ADGRB3: variants seen among roughly 807,000 people sequenced by gnomAD.
ADGRB3 encodes adhesion G protein-coupled receptor B3, also known as brain-specific angiogenesis inhibitor 3.
A neutral mutation model predicts 193.4 loss-of-function variants in ADGRB3; 37 were observed. That is an observed-to-expected ratio of 0.19 (90% CI 0.15 to 0.25). ADGRB3 has a LOEUF of 0.25. Ranked by LOEUF, ADGRB3 falls within the 10% of genes least tolerant of loss-of-function variation. The pLI, the probability that ADGRB3 is intolerant of heterozygous loss-of-function variation, is 1.00. For missense variants in ADGRB3, 1,637 were observed against 1,852.9 expected (o/e 0.88, Z 2.14); for synonymous variants, 690 against 644.2 (o/e 1.07, Z -1.08).
intron 17 of ADGRB3, among the ~76,000 whole-genome samples, chr6:69,109,150 T>G (rs1306508453): frequency 6.6e-6 from 1 of 151,434 alleles, no homozygotes; most frequent in African/African-American, 2.4e-5. Context: ...TTGGATTATG[T>G]TATTTCTCTT....
chr6:68,883,618 C>T lies in ADGRB3; in HGVS notation c.758-46941C>T, dbSNP rs35844542. 5.9e-3 allele frequency among the ~76,000 whole-genome samples: 904 copies of T among 152,204 alleles called. 12 individuals are homozygous for T. Among genetic ancestry groups the T allele is most frequent in the African/African-American group, 0.019 (801 of 41,526 alleles). Reference sequence around the variant, plus strand: ...TCTGGACTGGAGGAATGAACAACTCCAGAGGCACTGCCTTAAAAGCTGTAA... The same window carrying T: ...TCTGGACTGGAGGAATGAACAACTCTAGAGGCACTGCCTTAAAAGCTGTAA... On this transcript the variant is annotated intron_variant, in intron 3 of 31. Transcript: ENST00000370598.
At chr6:68,996,933 G>C (rs943155074) in intron 11 of ADGRB3, among the ~76,000 whole-genome samples, 8 of 152,106 alleles carry the variant, frequency 5.3e-5, no homozygotes, top group Non-Finnish European at 8.8e-5. Context: ...AATCACAGAG[G>C]TATCCATGAA....
intron 3 of ADGRB3, among the ~76,000 whole-genome samples, chr6:68,832,647 A>C (rs1366038524): frequency 6.6e-6 from 1 of 152,118 alleles, no homozygotes; most frequent in Non-Finnish European, 1.5e-5. Flanking sequence ...TTGGAGTATG[A>C]TACTAGAAAG....
At chr6:68,724,255 T>C (rs1363446982) in intron 3 of ADGRB3, among the ~76,000 whole-genome samples, 2 of 151,782 alleles carry the variant, frequency 1.3e-5, no homozygotes, top group East Asian at 3.9e-4. Context: ...GAAGTCCTTT[T>C]AGCCATATTG....
chr6:68,737,678 A>G (rs1406903297), intron 3 of ADGRB3, among the ~76,000 whole-genome samples: 1 of 152,154 alleles, frequency 6.6e-6, no homozygotes, highest in Non-Finnish European at 1.5e-5. Flanking sequence ...TAAATTGTCC[A>G]TGTTCCTTTA....
chr6:68,892,634 C>T (rs982230341), intron 3 of ADGRB3, among the ~76,000 whole-genome samples: 1 of 152,084 alleles, frequency 6.6e-6, no homozygotes, highest in Admixed American at 6.6e-5. Flanking sequence ...TTTCTCATAC[C>T]TCTCAGAGGG....
At chr6:68,820,988 G>C (rs1370386998) in intron 3 of ADGRB3, among the ~76,000 whole-genome samples, 1 of 152,004 alleles carries the variant, frequency 6.6e-6, no homozygotes, top group Non-Finnish European at 1.5e-5. Flanking sequence ...GGTCTGGTCT[G>C]TTATTCAAGG....
At chr6:68,885,443 CTAAT>C (rs770009877) in intron 3 of ADGRB3, among the ~76,000 whole-genome samples, 54 of 152,196 alleles carry the variant, frequency 3.5e-4, no homozygotes, top group African/African-American at 1.1e-3. Context: ...TTAAGTCAAA[CTAAT>C]TGACGAAAAT....
intron 17 of ADGRB3, among the ~76,000 whole-genome samples, chr6:69,106,415 A>G (rs1278960717): frequency 6.6e-6 from 1 of 152,058 alleles, no homozygotes; most frequent in East Asian, 1.9e-4. Flanking sequence ...CTGCACCTCT[A>G]TTTTCATTAG....
intron 16 of ADGRB3, 109 bp from the exon 17 acceptor site, chr6:69,075,886 C>A: frequency 1.2e-6 from 1 of 822,202 alleles, no homozygotes; most frequent in Admixed American, 2.7e-5. Flanking sequence ...TAAAGTATTT[C>A]TTACCACAAG....
intron 14 of ADGRB3, among the ~76,000 whole-genome samples, chr6:69,048,631 A>T (rs2150302004): frequency 6.6e-6 from 1 of 152,218 alleles, no homozygotes; most frequent in Non-Finnish European, 1.5e-5. Flanking sequence ...ATGTGGACTA[A>T]TATTTTACCT....
At chr6:68,912,165 A>C (rs998490989) in intron 3 of ADGRB3, among the ~76,000 whole-genome samples, 2 of 152,048 alleles carry the variant, frequency 1.3e-5, no homozygotes, top group Non-Finnish European at 2.9e-5. Flanking sequence ...GCTTGGATTC[A>C]GAAAACCTTT....
chr6:69,036,871 G>T (rs970540960), intron 13 of ADGRB3, among the ~76,000 whole-genome samples: 1 of 152,102 alleles, frequency 6.6e-6, no homozygotes, highest in Admixed American at 6.6e-5. Flanking sequence ...TTCTAGGAGC[G>T]CTGGCCAGCC....
chr6:68,961,964 T>C (rs1405241877), intron 8 of ADGRB3, among the ~76,000 whole-genome samples: 1 of 152,194 alleles, frequency 6.6e-6, no homozygotes, highest in Non-Finnish European at 1.5e-5. Flanking sequence ...GTTGCATTCT[T>C]CAAAAGGTTA....
rs775462599 is a variant in ADGRB3 at position 69,339,381 on chromosome 6, G to A, written c.3336G>A (p.Thr1112=). Residue 1112 remains threonine (T), a synonymous_variant, in exon 26 of 32, where the codon ACG becomes ACA. Coordinates refer to ENST00000370598, the MANE Select transcript of ADGRB3 (RefSeq NM_001704.3). ...SCVVLPLLAL[T]WMSAVLAMTD... is the part of the protein sequence containing the mutation. ...TGGTGTTGCCCCTTCTGGCTTTGAC[G>A]TGGATGTCTGCGGTTCTGGCCATGA... 16 of 1,613,876 alleles carry A rather than the reference G, an allele frequency of 9.9e-6. No homozygotes were observed. The highest frequency in any genetic ancestry group is 2.7e-5 in the African/African-American group (2 of 74,904).
chr6:68,907,417 G>T (rs1308993511), intron 3 of ADGRB3, among the ~76,000 whole-genome samples: 1 of 151,782 alleles, frequency 6.6e-6, no homozygotes, highest in Non-Finnish European at 1.5e-5. Flanking sequence ...TTCCAAACCA[G>T]TGTGAAAGAA....
intron 6 of ADGRB3, among the ~76,000 whole-genome samples, chr6:68,946,440 A>G (rs1767777783): frequency 6.6e-6 from 1 of 152,148 alleles, no homozygotes; most frequent in Non-Finnish European, 1.5e-5. Context: ...ACATAAGCAT[A>G]TGCAAAGTTG....
intron 3 of ADGRB3, among the ~76,000 whole-genome samples, chr6:68,650,775 T>A (rs1408642698): frequency 6.6e-6 from 1 of 152,130 alleles, no homozygotes; most frequent in Non-Finnish European, 1.5e-5. Context: ...CAGCTTTTTA[T>A]TTTTCCTTTT....
intron 3 of ADGRB3, among the ~76,000 whole-genome samples, chr6:68,772,911 A>ATG (rs1766659304): frequency 7.6e-5 from 4 of 52,406 alleles, no homozygotes; most frequent in Admixed American, 6.0e-4. Context: ...ATATATATAT[A>ATG]TATATATATA....
Sources: allele counts gnomAD v4.1 joint callset (sites outside exome capture counted in the v4.1 genomes callset), GRCh38; gene constraint gnomAD v4.1.1; transcripts MANE v1.5; gene names NCBI Gene and HGNC (gene_info 2026-07-23, HGNC 2026-07-21).